The following WWOX variants were observed in gnomAD, a reference collection of about 807,000 sequenced individuals.
The protein encoded by WWOX is WW domain-containing oxidoreductase.
A neutral mutation model predicts 46.2 loss-of-function variants in WWOX; 69 were observed. That is an observed-to-expected ratio of 1.49 (90% CI 1.23 to 1.82). The LOEUF is 1.82. Ranked by LOEUF, WWOX falls within the 40% of genes most tolerant of loss-of-function variation. WWOX has a pLI of 0.00. For missense variants in WWOX, 919 were observed against 542.6 expected, an observed-to-expected ratio of 1.69 and a Z score of -6.89; for synonymous variants, 359 against 202.6, an observed-to-expected ratio of 1.77 and a Z score of -6.56.
chr16:78,666,490 T>C (rs2047335958), intron 8 of WWOX, among the ~76,000 whole-genome samples: 1 of 152,192 alleles, frequency 6.6e-6, no homozygotes, highest in South Asian at 2.1e-4. Flanking sequence ...AATTTGCCTT[T>C]AAAAAATTGT....
intron 8 of WWOX, among the ~76,000 whole-genome samples, chr16:78,810,972 T>C (rs995566959): frequency 1.3e-5 from 2 of 152,184 alleles, no homozygotes; most frequent in East Asian, 1.9e-4. Context: ...AGAAGCATAT[T>C]TGGTGAACCG....
chr16:78,913,579 T>G (rs1487680608), intron 8 of WWOX, among the ~76,000 whole-genome samples: 1 of 151,920 alleles, frequency 6.6e-6, no homozygotes, highest in South Asian at 2.1e-4. Flanking sequence ...AGAACTAGTT[T>G]TGGACTTGAT....
intron 8 of WWOX, among the ~76,000 whole-genome samples, chr16:78,942,984 A>G (rs1197073232): frequency 6.6e-6 from 1 of 152,344 alleles, no homozygotes; most frequent in East Asian, 1.9e-4. Context: ...GATTTGTATC[A>G]GATCAACTTT....
In WWOX at chr16:78,362,614, C is replaced by A. The variant is rs181723562; in HGVS notation, c.517-24246C>A. 3.9e-3 allele frequency among the ~76,000 whole-genome samples: 589 copies of A among 151,950 alleles called. 1 individual carries two copies. Among genetic ancestry groups the A allele is most frequent in the Non-Finnish European group, 6.0e-3 (406 of 67,950 alleles). On this transcript the variant is annotated intron_variant, in intron 5 of 8. Coordinates refer to ENST00000566780, the MANE Select transcript of WWOX (RefSeq NM_016373.4). ...ATGGAGCAAGACTCTATCTACCCCC[C>A]ACCCTGCAAAAAAAGAAAAGAAAGG...
At chr16:78,804,746 T>C (rs1395001079) in intron 8 of WWOX, among the ~76,000 whole-genome samples, 1 of 152,262 alleles carries the variant, frequency 6.6e-6, no homozygotes, top group African/African-American at 2.4e-5. Context: ...AAATGCTGTT[T>C]GTAGCAAAAG....
At chr16:78,331,167 C>T (rs543115624) in intron 5 of WWOX, among the ~76,000 whole-genome samples, 47 of 152,230 alleles carry the variant, frequency 3.1e-4, no homozygotes, top group African/African-American at 9.9e-4. Context: ...TAATTTGGAA[C>T]GGCTTTTTGT....
At chr16:78,760,975 TG>T (rs1294024132) in intron 8 of WWOX, among the ~76,000 whole-genome samples, 1 of 152,146 alleles carries the variant, frequency 6.6e-6, no homozygotes, top group Non-Finnish European at 1.5e-5. Flanking sequence ...TCAGATCTCA[TG>T]AGACTTATTC....
At chr16:78,351,618 A>C (rs975629748) in intron 5 of WWOX, among the ~76,000 whole-genome samples, 1 of 152,154 alleles carries the variant, frequency 6.6e-6, no homozygotes, top group African/African-American at 2.4e-5. Context: ...TCTATATTGC[A>C]CATAGCTCCT....
intron 8 of WWOX, among the ~76,000 whole-genome samples, chr16:78,674,227 A>T (rs1443709327): frequency 3.3e-5 from 5 of 151,946 alleles, no homozygotes; most frequent in Non-Finnish European, 4.4e-5. Context: ...TAGGGTGCAT[A>T]AGAGAGATGT....
At chr16:78,736,753 C>T (rs1205128606) in intron 8 of WWOX, among the ~76,000 whole-genome samples, 1 of 152,050 alleles carries the variant, frequency 6.6e-6, no homozygotes, top group African/African-American at 2.4e-5. Context: ...GCGCATGCCT[C>T]CACATCTGAC....
At chr16:78,149,607 A>G (rs1358484473) in intron 4 of WWOX, among the ~76,000 whole-genome samples, 1 of 152,206 alleles carries the variant, frequency 6.6e-6, no homozygotes, top group African/African-American at 2.4e-5. Context: ...CTGTTGATGA[A>G]ACAGGTGGTA....
intron 8 of WWOX, among the ~76,000 whole-genome samples, chr16:78,938,562 G>A (rs889770551): frequency 1.3e-5 from 2 of 152,130 alleles, no homozygotes; most frequent in African/African-American, 4.8e-5. Context: ...GTGGGTTTTT[G>A]TTAAATACGG....
intron 8 of WWOX, among the ~76,000 whole-genome samples, chr16:78,719,004 T>C (rs893686863): frequency 2.6e-5 from 4 of 152,080 alleles, no homozygotes; most frequent in Non-Finnish European, 5.9e-5. Flanking sequence ...CAGGCACTCT[T>C]GGTAGCAGGG....
At chr16:78,919,616 C>T (rs867708558) in intron 8 of WWOX, among the ~76,000 whole-genome samples, 11 of 148,728 alleles carry the variant, frequency 7.4e-5, no homozygotes, top group African/African-American at 2.7e-4. Context: ...CTCCCGGGAT[C>T]AAGCGATTCT....
intron 8 of WWOX, among the ~76,000 whole-genome samples, chr16:79,088,099 C>G (rs1379906028): frequency 2.6e-5 from 4 of 152,268 alleles, no homozygotes; most frequent in African/African-American, 9.6e-5. Flanking sequence ...ATCTGGTACT[C>G]TTGACTCTCT....
chr16:79,046,962 C>A (rs947855880), intron 8 of WWOX, among the ~76,000 whole-genome samples: 5 of 152,144 alleles, frequency 3.3e-5, no homozygotes, highest in African/African-American at 9.7e-5. Context: ...GTAAAAGTAA[C>A]CCCCAGCCTG....
chr16:79,052,582 T>C (rs897512897), intron 8 of WWOX, among the ~76,000 whole-genome samples: 22 of 152,328 alleles, frequency 1.4e-4, no homozygotes, highest in Admixed American at 2.6e-4. Flanking sequence ...CCTTTGCCTC[T>C]TTTAAAAAGT....
chr16:78,611,618 G>A (rs2045901977), intron 8 of WWOX, among the ~76,000 whole-genome samples: 1 of 152,154 alleles, frequency 6.6e-6, no homozygotes, highest in African/African-American at 2.4e-5. Flanking sequence ...CAACATATTT[G>A]GGAAAATGAT....
intron 8 of WWOX, among the ~76,000 whole-genome samples, chr16:78,547,217 T>A (rs1487560646): frequency 6.8e-6 from 1 of 147,698 alleles, no homozygotes; most frequent in Non-Finnish European, 1.5e-5. Flanking sequence ...TAGGGTGAGA[T>A]GAACATTGAT....
Sources: gnomAD v4.1 joint callset for allele counts (sites outside exome capture counted in the v4.1 genomes callset) on GRCh38, gnomAD v4.1.1 for gene constraint, MANE v1.5 for transcripts, NCBI Gene and HGNC (gene_info 2026-07-23, HGNC 2026-07-21) for gene names.